Variants in MTO1 observed in about 807,000 individuals in gnomAD.
MTO1 encodes the protein 5-taurinomethyluridine-[tRNA] synthase subunit MTO1, mitochondrial.
In MTO1, 46 loss-of-function variants were observed where a neutral mutation model predicts 71.6. The ratio of observed to expected loss-of-function variants is 0.64; its 90% CI spans 0.51 to 0.82. The LOEUF is 0.82. Ranked by LOEUF, MTO1 falls within the 40% of genes least tolerant of loss-of-function variation. The pLI is 0.00. For missense variants in MTO1, 773 were observed against 867.5 expected (o/e 0.89, Z 1.37); for synonymous variants, 297 against 312.1 (o/e 0.95, Z 0.51).
At chr6:73,496,784 G>T (rs1402805940) in intron 10 of MTO1, among the ~76,000 whole-genome samples, 1 of 152,004 alleles carries the variant, frequency 6.6e-6, no homozygotes, top group African/African-American at 2.4e-5. Flanking sequence ...GCCGGGCATG[G>T]TGGCTCATGC....
chr6:73,462,217 C>G, intron 1 of MTO1, 146 bp downstream of exon 1: 2 of 868,142 alleles, frequency 2.3e-6, no homozygotes, highest in South Asian at 1.7e-5. Context: ...ATCAGTGTCT[C>G]GCAAGGATCA....
chr6:73,487,987 C>T (rs919313201), intron 9 of MTO1: 3 of 152,190 alleles, frequency 2.0e-5, no homozygotes, highest in Admixed American at 2.0e-4. Flanking sequence ...TACTCACCAA[C>T]AGTTGTCATC....
rs150593195 is a variant in MTO1, at chr6:73,482,507, G to A, written c.1524G>A (p.Lys508=). The A allele has an allele frequency of 6.2e-7, 1 of 1,613,388 alleles. No individual in the cohort carries two copies. The highest frequency in any genetic ancestry group is 8.5e-7 in the Non-Finnish European group (1 of 1,179,880). The part of the protein sequence containing the change: ...QQRYERACWM[K]SSLEEGISVL... The stretch of plus-strand genomic sequence containing the variant: ...GATATGAAAGAGCTTGTTGGATGAA[G>A]TCTTCTTTAGAAGAAGGCATTTCTG... The change falls in exon 9 of 12, where the codon AAG becomes AAA. Residue 508 remains lysine, a synonymous_variant. Coordinates refer to ENST00000498286, the MANE Select transcript of MTO1 (RefSeq NM_012123.4).
At chr6:73,497,919 A>G in intron 11 of MTO1, 23 bp downstream of exon 11, 1 of 1,588,898 alleles carries the variant, frequency 6.3e-7, no homozygotes, top group Non-Finnish European at 8.6e-7. Context: ...GCAGGAGAAT[A>G]GAAACAAGTT....
chr6:73,500,535 C>T, intron 11 of MTO1, 39 bp from the exon 12 acceptor site: 1 of 1,580,232 alleles, frequency 6.3e-7, no homozygotes. Context: ...TTTGACATAG[C>T]ATAGCTCACT....
chr6:73,490,577 C>T (rs765971327), intron 9 of MTO1, among the ~76,000 whole-genome samples: 1 of 152,030 alleles, frequency 6.6e-6, no homozygotes, highest in African/African-American at 2.4e-5. Flanking sequence ...GTGCCAGTAC[C>T]ATGCTGTTTT....
Position 73,502,621 on chromosome 6 carries a change from T to C in MTO1, c.*1886T>C, listed in dbSNP as rs771129144. On this transcript the variant is annotated 3_prime_UTR_variant, in exon 12 of 12. Coordinates refer to ENST00000498286, the MANE Select transcript of MTO1 (RefSeq NM_012123.4). ...TATCTTAAAGAAACGGGAAGTAACC[T>C]GGCACAGTGGCTCACGCCTGTAATC... 1 of 150,484 alleles carries C rather than the reference T, an allele frequency of 6.6e-6. No homozygotes were observed. Among genetic ancestry groups the C allele is most frequent in the Non-Finnish European group, 1.5e-5 (1 of 67,518 alleles). 9.3% of individuals were successfully genotyped at this position (150,484 alleles called of 1,614,324 possible).
intron 9 of MTO1, among the ~76,000 whole-genome samples, chr6:73,483,312 G>A (rs945808590): frequency 6.6e-6 from 1 of 151,940 alleles, no homozygotes; most frequent in East Asian, 2.0e-4. Flanking sequence ...GGGAGGTTGA[G>A]GCAGGAGAAT....
chr6:73,487,096 C>G (rs77480850), intron 9 of MTO1, among the ~76,000 whole-genome samples: 10,140 of 151,986 alleles, frequency 0.067, 463 homozygotes, highest in East Asian at 0.19. Flanking sequence ...TTGATGGACA[C>G]TTGAGTTGCT....
rs1189508492 is a variant in MTO1, at chr6:73,506,043, A to G, written c.*5308A>G. ...ACTCAGGCTAGAGTGCAGTGGCACT[A>G]TCTCGGCTCACTGCAACCTCCTCCT... On this transcript the variant is annotated 3_prime_UTR_variant, in exon 12 of 12. Transcript: ENST00000498286. The G allele has an allele frequency of 6.6e-6, 1 of 152,036 alleles. No individual in the cohort carries two copies. The highest frequency in any genetic ancestry group is 2.4e-5 in the African/African-American group (1 of 41,426). The allele number at this position is 152,036 out of a possible 1,614,324, so 9.4% of individuals were successfully genotyped here. A position where few individuals can be genotyped will look rare whatever the true frequency, so the allele number is the denominator to read the frequency against.
At chr6:73,492,684 A>G (rs1056466574) in intron 10 of MTO1, 5 of 218,512 alleles carry the variant, frequency 2.3e-5, no homozygotes, top group African/African-American at 1.1e-4. Context: ...GTGAAGATAC[A>G]TGCCTGTAGT....
intron 1 of MTO1, among the ~76,000 whole-genome samples, chr6:73,464,803 C>A (rs561394912): frequency 1.4e-5 from 2 of 144,552 alleles, no homozygotes; most frequent in East Asian, 2.0e-4. Context: ...CCATTGCACT[C>A]CAGCCTGGGC....
chr6:73,477,256 C>T (rs1450190892), intron 4 of MTO1, among the ~76,000 whole-genome samples: 3 of 150,316 alleles, frequency 2.0e-5, no homozygotes, highest in Non-Finnish European at 4.4e-5. Context: ...ATTAGCTGGG[C>T]ATGGTGGCAT....
At chr6:73,490,324 T>C (rs1177441585) in intron 9 of MTO1, among the ~76,000 whole-genome samples, 1 of 152,222 alleles carries the variant, frequency 6.6e-6, no homozygotes, top group Non-Finnish European at 1.5e-5. Flanking sequence ...TTGGCATTTG[T>C]TGCCATTGCT....
intron 4 of MTO1, among the ~76,000 whole-genome samples, chr6:73,477,575 C>A (rs1171190451): frequency 6.7e-6 from 1 of 149,172 alleles, no homozygotes; most frequent in Non-Finnish European, 1.5e-5. Flanking sequence ...GGTGCAATCT[C>A]AGCTCACTGT....
chr6:73,508,423 A>T lies in MTO1; in HGVS notation c.*7688A>T, dbSNP rs887727445. 9 of 151,328 alleles carry T rather than the reference A, an allele frequency of 5.9e-5. No homozygotes were observed. Among genetic ancestry groups the T allele is most frequent in the Non-Finnish European group, 1.2e-4 (8 of 67,664 alleles). The allele number at this position is 151,328 out of a possible 1,614,324, so 9.4% of individuals were successfully genotyped here. Reference sequence around the variant, plus strand: ...TTTATAACAGTAAATTAAGATACATAAAAAAAAACACTGGCTAAATTTAAA... The same window carrying T: ...TTTATAACAGTAAATTAAGATACATTAAAAAAAACACTGGCTAAATTTAAA... On this transcript the variant is annotated 3_prime_UTR_variant, in exon 12 of 12. Coordinates refer to ENST00000498286, the MANE Select transcript of MTO1 (RefSeq NM_012123.4).
intron 4 of MTO1, among the ~76,000 whole-genome samples, chr6:73,476,833 G>A (rs1771338631): frequency 6.7e-6 from 1 of 149,948 alleles, no homozygotes. Context: ...CTATCCCCCA[G>A]GCTGGAGTGC....
In MTO1 at chr6:73,462,080, C is replaced by A; in HGVS notation, c.217+9C>A. On this transcript the variant is annotated intron_variant, in intron 1 of 11. Coordinates refer to ENST00000498286, the MANE Select transcript of MTO1 (RefSeq NM_012123.4). ...CCGCGTGGACACGATCGGTGAGGAG[C>A]GCGGGTGCTGTGGAACTTGGCGTAG... 6.2e-7 allele frequency: 1 copy of A among 1,611,508 alleles called. No homozygotes were observed. The highest frequency in any genetic ancestry group is 8.5e-7 in the Non-Finnish European group (1 of 1,178,578).
Position 73,482,789 on chromosome 6 carries a change from C to CTTTTTTTTTTTTT in MTO1, c.1637+179_1637+191dup, listed in dbSNP as rs35121302. 1.9e-3 allele frequency among the ~76,000 whole-genome samples: 179 copies of CTTTTTTTTTTTTT among 92,108 alleles called. 1 individual carries two copies. Among genetic ancestry groups the CTTTTTTTTTTTTT allele is most frequent in the Admixed American group, 2.9e-3 (19 of 6,464 alleles). The allele number at this position is 92,108 out of a possible 152,430, so 60.4% of individuals were successfully genotyped here. On this transcript the variant is annotated intron_variant, in intron 9 of 11. Transcript: ENST00000498286. ...TAGCTGTAACTCATCTTTTTTCTTT[C>CTTTTTTTTTTTTT]TTTTTTTTTTTTTTTTTTTTTTGAG...
Sources: gnomAD v4.1 joint callset for allele counts (sites outside exome capture counted in the v4.1 genomes callset) on GRCh38, gnomAD v4.1.1 for gene constraint, MANE v1.5 for transcripts, NCBI Gene and HGNC (gene_info 2026-07-23, HGNC 2026-07-21) for gene names.